IGSF5: variants seen among roughly 807,000 people sequenced by gnomAD.
The protein encoded by IGSF5 is immunoglobulin superfamily 5 like.
IGSF5 carries 41 observed loss-of-function variants against 39.4 expected under a neutral mutation model. The observed-to-expected ratio is 1.04, with a 90% confidence interval of 0.81 to 1.35. The LOEUF (loss-of-function observed/expected upper bound fraction) is 1.35. Ranked by LOEUF, IGSF5 falls within the 40% of genes most tolerant of loss-of-function variation. The pLI, the probability that IGSF5 is intolerant of heterozygous loss-of-function variation, is 0.00. For synonymous variants in IGSF5, 183 were observed against 175.3 expected, an observed-to-expected ratio of 1.04 and a Z score of -0.34; for missense variants, 487 against 494.6, an observed-to-expected ratio of 0.98 and a Z score of 0.15.
intron 2 of IGSF5, 49 bp downstream of exon 2, chr21:39,746,347 G>A (rs763750046): frequency 5.8e-6 from 4 of 692,312 alleles, no homozygotes; most frequent in Middle Eastern, 7.4e-4. Flanking sequence ...CCAGAAGAGT[G>A]CAGTTGCAAG....
At chr21:39,737,080 T>C in the IGSF5 span, among the ~76,000 whole-genome samples, 3 of 152,276 alleles carry the variant, frequency 2.0e-5, no homozygotes, top group Admixed American at 2.0e-4. Context: ...ATTTGTGAGA[T>C]TATTCGGCTA....
chr21:39,752,216 G>A (rs2080009115), intron 2 of IGSF5, among the ~76,000 whole-genome samples: 1 of 152,082 alleles, frequency 6.6e-6, no homozygotes. Flanking sequence ...TTGTGCCTTT[G>A]CATCCTCATA....
At chr21:39,748,557 C>T (rs1459883060) in intron 2 of IGSF5, among the ~76,000 whole-genome samples, 1 of 151,906 alleles carries the variant, frequency 6.6e-6, no homozygotes, top group Non-Finnish European at 1.5e-5. Context: ...GATCTGCCCA[C>T]TTTGGCCTCT....
At chr21:39,743,106 A>C (rs964740421), upstream of IGSF5, among the ~76,000 whole-genome samples, 1 of 152,112 alleles carries the variant, frequency 6.6e-6, no homozygotes, top group Non-Finnish European at 1.5e-5. Context: ...AGTTTTCCTT[A>C]GTCCTTCTAG....
chr21:39,718,743 C>T, the IGSF5 span, among the ~76,000 whole-genome samples: 5 of 152,228 alleles, frequency 3.3e-5, no homozygotes, highest in African/African-American at 7.2e-5. Context: ...CTGCTGGATT[C>T]GGTTTGCAAG....
chr21:39,717,231 G>A, the IGSF5 span, among the ~76,000 whole-genome samples: 3 of 152,092 alleles, frequency 2.0e-5, no homozygotes, highest in African/African-American at 7.2e-5. Context: ...CCTTACAGAT[G>A]CTGGATATTA....
chr21:39,745,148 TCTC>T (rs1313927923), upstream of IGSF5, among the ~76,000 whole-genome samples: 2 of 139,882 alleles, frequency 1.4e-5, no homozygotes, highest in Non-Finnish European at 3.2e-5. Context: ...TGTCTCTCTC[TCTC>T]TCTTCATCTC....
intron 3 of IGSF5, among the ~76,000 whole-genome samples, chr21:39,768,594 T>A (rs1291872461): frequency 6.6e-6 from 1 of 152,234 alleles, no homozygotes; most frequent in Admixed American, 6.5e-5. Flanking sequence ...TTTTGAGGGC[T>A]GCAAGGACTT....
At chr21:39,714,938 A>G in the IGSF5 span, among the ~76,000 whole-genome samples, 13 of 152,134 alleles carry the variant, frequency 8.5e-5, no homozygotes, top group Non-Finnish European at 1.5e-4. Flanking sequence ...GCCCACCCCA[A>G]TTACACATGG....
chr21:39,741,197 G>T (rs1365569188), upstream of IGSF5, among the ~76,000 whole-genome samples: 1 of 152,170 alleles, frequency 6.6e-6, no homozygotes, highest in Non-Finnish European at 1.5e-5. Flanking sequence ...TTAGGGCATG[G>T]AAAGCTGCTT....
intron 6 of IGSF5, among the ~76,000 whole-genome samples, chr21:39,791,231 A>G (rs933920492): frequency 1.3e-5 from 2 of 152,218 alleles, no homozygotes; most frequent in African/African-American, 4.8e-5. Flanking sequence ...ATGCCATGGA[A>G]TTCCATTTTA....
rs1392495701 is a variant in IGSF5 at position 39,765,826 on chromosome 21, A to AT, written c.393dup (p.Gly132TrpfsTer19). 6.2e-7 allele frequency: 1 copy of AT among 1,613,482 alleles called. No individual in the cohort carries two copies. The highest frequency in any genetic ancestry group is 1.3e-5 in the African/African-American group (1 of 74,930). ...TGCAGCCTCCAGAACAGTCGCCTGC[A>AT]TGGATCTGCTTACCTTACCGTCCAA... is the stretch of plus-strand genomic sequence containing the variant. On this transcript the variant is annotated frameshift_variant, in exon 3 of 9. Transcript: ENST00000380588. LOFTEE classifies it high-confidence loss of function.
At chr21:39,740,726 C>G (rs771835977), upstream of IGSF5, among the ~76,000 whole-genome samples, 4 of 152,154 alleles carry the variant, frequency 2.6e-5, no homozygotes, top group Non-Finnish European at 2.9e-5. Context: ...TACTTGTTGA[C>G]AGTTATGTTC....
At position 39,800,368 on chromosome 21, in the gene IGSF5, CAG is replaced by C. The variant is rs200589470; in HGVS notation, c.1129-892_1129-891del. Among the ~76,000 whole-genome samples, 851 of 151,980 alleles carry C rather than the reference CAG, an allele frequency of 5.6e-3. 11 individuals are homozygous for C. Among genetic ancestry groups the C allele is most frequent in the African/African-American group, 0.019 (770 of 41,490 alleles). On this transcript the variant is annotated intron_variant, in intron 8 of 8. Transcript: ENST00000380588. Reference sequence around the variant, plus strand: ...CAAATCACCCCCTCATTGAGACAAACAGAAATACATACTTGATAAATTTAGAA... The same window carrying C: ...CAAATCACCCCCTCATTGAGACAAACAAATACATACTTGATAAATTTAGAA...
At chr21:39,792,335 T>C (rs2086970207) in intron 7 of IGSF5, among the ~76,000 whole-genome samples, 1 of 152,174 alleles carries the variant, frequency 6.6e-6, no homozygotes, top group African/African-American at 2.4e-5. Flanking sequence ...CCCTGAGAGC[T>C]TTAAAAAACT....
chr21:39,748,896 A>G (rs2079989456), intron 2 of IGSF5, among the ~76,000 whole-genome samples: 1 of 152,220 alleles, frequency 6.6e-6, no homozygotes, highest in Non-Finnish European at 1.5e-5. Flanking sequence ...CATCCTGAGA[A>G]AGTTGCATTG....
the IGSF5 span, among the ~76,000 whole-genome samples, chr21:39,722,712 T>C: frequency 6.6e-6 from 1 of 152,236 alleles, no homozygotes; most frequent in South Asian, 2.1e-4. Context: ...ATCTGTATGC[T>C]ACCTCTGTCT....
At chr21:39,739,415 G>A in the IGSF5 span, among the ~76,000 whole-genome samples, 8 of 152,116 alleles carry the variant, frequency 5.3e-5, no homozygotes. Context: ...GGCAACAGAT[G>A]ATTGGTTATT....
intron 4 of IGSF5, among the ~76,000 whole-genome samples, chr21:39,775,687 G>A (rs780285687): frequency 7.2e-5 from 11 of 152,154 alleles, no homozygotes; most frequent in Non-Finnish European, 1.5e-4. Context: ...GGCAAGCAGT[G>A]TTGACCTTGG....
Sources: allele counts gnomAD v4.1 joint callset (sites outside exome capture counted in the v4.1 genomes callset), GRCh38; gene constraint gnomAD v4.1.1; transcripts MANE v1.5; gene names NCBI Gene and HGNC (gene_info 2026-07-23, HGNC 2026-07-21).